CARMIL1: variants seen among roughly 807,000 people sequenced by gnomAD.
CARMIL1 encodes the protein capping protein regulator and myosin 1 linker 1.
Under a neutral mutation model 177.1 loss-of-function variants are expected in CARMIL1, and 90 were observed. The ratio of observed to expected loss-of-function variants is 0.51; its 90% CI spans 0.43 to 0.61. The LOEUF is 0.61. Ranked by LOEUF, CARMIL1 falls within the 20% of genes least tolerant of loss-of-function variation. The pLI is 0.00. For synonymous variants in CARMIL1, 577 were observed against 606.2 expected (o/e 0.95, Z 0.71); for missense variants, 1,380 against 1,667.0 (o/e 0.83, Z 3.00).
At chr6:25,465,612 G>C (rs1417032738) in intron 8 of CARMIL1, 1 of 431,206 alleles carries the variant, frequency 2.3e-6, no homozygotes, top group African/African-American at 2.0e-5. Context: ...TCAGAGCAAG[G>C]AGGTTTTTCA....
chr6:25,407,393 G>A (rs990529409), intron 2 of CARMIL1, among the ~76,000 whole-genome samples: 2 of 120,542 alleles, frequency 1.7e-5, no homozygotes, highest in African/African-American at 6.7e-5. Context: ...GAGCCCACAC[G>A]AAGGGACGGG....
At position 25,550,963 on chromosome 6, in the gene CARMIL1, G is replaced by GA; in HGVS notation, c.2388dup (p.Ala797SerfsTer23). ...CTGAGAATCTTTGTCCCAATGTGAT[G>GA]AAAAAAGCCCACATTCGACAAGACT... On this transcript the variant is annotated frameshift_variant, in exon 27 of 37. Coordinates refer to ENST00000329474, the MANE Select transcript of CARMIL1 (RefSeq NM_017640.6). LOFTEE classifies it high-confidence loss of function. 1 of 1,613,444 alleles carries GA rather than the reference G, an allele frequency of 6.2e-7. No individual in the cohort carries two copies. The highest frequency in any genetic ancestry group is 8.5e-7 in the Non-Finnish European group (1 of 1,179,576).
chr6:25,448,913 C>CAGGGA (rs1487320146), intron 5 of CARMIL1, among the ~76,000 whole-genome samples: 27 of 124,370 alleles, frequency 2.2e-4, no homozygotes, highest in African/African-American at 7.2e-4. Flanking sequence ...ACCAGGGATT[C>CAGGGA]TTCTTTTTTT....
chr6:25,446,621 C>G (rs1338723933), intron 5 of CARMIL1, among the ~76,000 whole-genome samples: 1 of 152,340 alleles, frequency 6.6e-6, no homozygotes, highest in Middle Eastern at 3.4e-3. Flanking sequence ...TCATCATTCA[C>G]ATGTTCATGG....
At chr6:25,543,590 A>G (rs1809122548) in intron 26 of CARMIL1, among the ~76,000 whole-genome samples, 1 of 152,102 alleles carries the variant, frequency 6.6e-6, no homozygotes, top group African/African-American at 2.4e-5. Context: ...AGTCTAGGGT[A>G]TTTGTGTTGG....
rs764817374 is a variant in CARMIL1 at position 25,279,773 on chromosome 6, A to AC, written c.-18dup. 4 of 1,613,252 alleles carry AC rather than the reference A, an allele frequency of 2.5e-6. No homozygotes were observed. Among genetic ancestry groups the AC allele is most frequent in the South Asian group, 1.1e-5 (1 of 91,030 alleles). On this transcript the variant is annotated 5_prime_UTR_variant, in exon 1 of 37. Coordinates refer to ENST00000329474, the MANE Select transcript of CARMIL1 (RefSeq NM_017640.6). ...ATAAATCAGAGTTGGACCTGCAATA[A>AC]CCCCCACACCTACAGGGCAACCATG...
At chr6:25,282,884 G>A (rs1445676020) in intron 1 of CARMIL1, among the ~76,000 whole-genome samples, 1 of 152,156 alleles carries the variant, frequency 6.6e-6, no homozygotes, top group Non-Finnish European at 1.5e-5. Flanking sequence ...GCAAACTCCT[G>A]TGAAATGCAA....
At position 25,419,964 on chromosome 6, in the gene CARMIL1, C is replaced by T. The variant is rs540347272; in HGVS notation, c.139-150C>T. The T allele has an allele frequency of 2.8e-4, 183 of 656,116 alleles. 1 individual carries two copies. In the Middle Eastern group the frequency reaches 4.0e-3, roughly 14 times the overall value. 40.6% of individuals were successfully genotyped at this position (656,116 alleles called of 1,614,324 possible). ...TAAAACTAATTCTGAGACCAAGAAGCTGTCCCAGCTCGTAATTCTTCTTAC... is the reference window on the plus strand; with the variant it reads ...TAAAACTAATTCTGAGACCAAGAAGTTGTCCCAGCTCGTAATTCTTCTTAC... On this transcript the variant is annotated intron_variant, in intron 2 of 36. Transcript: ENST00000329474.
At chr6:25,415,664 G>A (rs1427908895) in intron 2 of CARMIL1, among the ~76,000 whole-genome samples, 1 of 152,082 alleles carries the variant, frequency 6.6e-6, no homozygotes, top group Admixed American at 6.5e-5. Context: ...TCACTTAATA[G>A]CCAATATGCT....
intron 17 of CARMIL1, among the ~76,000 whole-genome samples, chr6:25,501,637 A>G (rs116272264): frequency 3.9e-5 from 6 of 152,290 alleles, no homozygotes; most frequent in African/African-American, 1.2e-4. Flanking sequence ...ACTTAATGAT[A>G]ATAGCATGCA....
chr6:25,508,269 C>T (rs1306761414), intron 17 of CARMIL1, among the ~76,000 whole-genome samples: 1 of 152,160 alleles, frequency 6.6e-6, no homozygotes, highest in Non-Finnish European at 1.5e-5. Context: ...AATAGCTTCA[C>T]ACACAGGTTA....
intron 2 of CARMIL1, among the ~76,000 whole-genome samples, chr6:25,377,395 T>C (rs1408281283): frequency 3.3e-5 from 5 of 152,176 alleles, no homozygotes; most frequent in Admixed American, 2.0e-4. Context: ...GAGTGCTCCC[T>C]TGATGTCATG....
At chr6:25,528,730 A>T in intron 23 of CARMIL1, 65 bp from the exon 24 acceptor site, 1 of 1,200,022 alleles carries the variant, frequency 8.3e-7, no homozygotes, top group African/African-American at 1.5e-5. Flanking sequence ...TGACTGTTTC[A>T]CTTATACTTT....
intron 5 of CARMIL1, among the ~76,000 whole-genome samples, chr6:25,438,852 CT>C (rs35250854): frequency 0.027 from 3,952 of 144,082 alleles, 156 homozygotes; most frequent in African/African-American, 0.087. Context: ...TTATGAAAAT[CT>C]TTTTTTTTTT....
chr6:25,312,625 G>A (rs998155260), intron 2 of CARMIL1, among the ~76,000 whole-genome samples: 1 of 152,010 alleles, frequency 6.6e-6, no homozygotes, highest in Non-Finnish European at 1.5e-5. Context: ...TTGGTTGGGA[G>A]ATTAATATTC....
At chr6:25,556,982 T>C in intron 29 of CARMIL1, 132 bp downstream of exon 29, 1 of 961,876 alleles carries the variant, frequency 1.0e-6, no homozygotes, top group African/African-American at 1.7e-5. Context: ...GACAATTCTT[T>C]CAGAAAAGTC....
At chr6:25,365,157 T>C (rs1261644897) in intron 2 of CARMIL1, among the ~76,000 whole-genome samples, 1 of 152,364 alleles carries the variant, frequency 6.6e-6, no homozygotes, top group East Asian at 1.9e-4. Flanking sequence ...ATTTTTTCCG[T>C]CCAGCTCTAT....
At chr6:25,533,303 T>C (rs1807952144) in intron 24 of CARMIL1, among the ~76,000 whole-genome samples, 1 of 152,202 alleles carries the variant, frequency 6.6e-6, no homozygotes, top group South Asian at 2.1e-4. Flanking sequence ...CAGAATATTA[T>C]GGTTAAGAAC....
chr6:25,382,434 G>C (rs1791642263), intron 2 of CARMIL1, among the ~76,000 whole-genome samples: 1 of 152,152 alleles, frequency 6.6e-6, no homozygotes, highest in Non-Finnish European at 1.5e-5. Context: ...CTTAAAGGTG[G>C]CACGGAGCCA....
Sources: gnomAD v4.1 joint callset for allele counts (sites outside exome capture counted in the v4.1 genomes callset) on GRCh38, gnomAD v4.1.1 for gene constraint, MANE v1.5 for transcripts, NCBI Gene and HGNC (gene_info 2026-07-23, HGNC 2026-07-21) for gene names.